The following LDAF1 variants were observed in gnomAD, a reference collection of about 807,000 sequenced individuals.
LDAF1 encodes lipid droplet assembly factor 1, also known as PROMETHIN.
LDAF1 carries 7 observed loss-of-function variants against 13.5 expected under a neutral mutation model. That is an observed-to-expected ratio of 0.52 (90% CI 0.29 to 0.97). The LOEUF is 0.97. Among genes scored for constraint, LDAF1 ranks in the 50% least tolerant of loss-of-function variants. The pLI is 0.07. For synonymous variants in LDAF1, 69 were observed against 77.1 expected (o/e 0.89, Z 0.55); for missense variants, 148 against 193.2 (o/e 0.77, Z 1.39).
chr16:21,173,779 G>T (rs1216417675), intron 3 of LDAF1, among the ~76,000 whole-genome samples: 1 of 152,130 alleles, frequency 6.6e-6, no homozygotes, highest in East Asian at 1.9e-4. Flanking sequence ...GAATTGGGGG[G>T]ACTGGAGGCA....
chr16:21,174,118 C>G lies in LDAF1; in HGVS notation c.374C>G (p.Ser125Cys), dbSNP rs1297243394. Residue 125 changes from serine (S) to cysteine (C), a missense_variant, in exon 4 of 5, where the codon TCC becomes TGC. By Grantham distance (112) the Ser-to-Cys change is moderately radical. Transcript: ENST00000233047. ...ATGATAGCATCTTATGTAGTGGTCT[C>G]CAGCCTCATCAGCTGCTGGTTTTCT... is the stretch of plus-strand genomic sequence containing the variant. ...GMMIASYVVV[S>C]SLISCWFSPR... The G allele has an allele frequency of 1.3e-5, 21 of 1,612,930 alleles. No individual in the cohort carries two copies. In the Middle Eastern group the frequency reaches 6.6e-4, roughly 51 times the overall value.
chr16:21,171,234 A>G (rs1567909326), intron 3 of LDAF1, among the ~76,000 whole-genome samples: 2 of 152,178 alleles, frequency 1.3e-5, no homozygotes, highest in Non-Finnish European at 2.9e-5. Context: ...CTAAGTTAAA[A>G]TTACTGGGAA....
Position 21,165,530 on chromosome 16 carries a change from T to A in LDAF1, c.96+4252T>A, listed in dbSNP as rs1456509004. 3.2e-6 allele frequency: 3 copies of A among 947,490 alleles called. No homozygotes were observed. In the African/African-American group the frequency reaches 5.3e-5, roughly 17 times the overall value. The allele number at this position is 947,490 out of a possible 1,614,324, so 58.7% of individuals were successfully genotyped here. On this transcript the variant is annotated intron_variant, in intron 2 of 4. Transcript: ENST00000233047. ...CCTAAGTCCTGTGTATTCCTTCTTT[T>A]GTCATTCCACTTTCATACCCATCTA...
At chr16:21,166,838 A>T in intron 2 of LDAF1, 1 of 1,535,658 alleles carries the variant, frequency 6.5e-7, no homozygotes. Flanking sequence ...TTTCTCTTTC[A>T]GCTGCCCCAA....
At position 21,161,240 on chromosome 16, in the gene LDAF1, CTGT is replaced by C; in HGVS notation, c.59_61del (p.Leu20_Ser21delinsPro). 4 of 1,614,228 alleles carry C rather than the reference CTGT, an allele frequency of 2.5e-6. No homozygotes were observed. In the South Asian group the frequency reaches 4.4e-5, roughly 18 times the overall value. On this transcript the variant is annotated inframe_deletion, in exon 2 of 5. Coordinates refer to ENST00000233047, the MANE Select transcript of LDAF1 (RefSeq NM_001301771.2). Reference sequence around the variant, plus strand: ...GGACTTGCAGGAACTGCAGAAGAAGCTGTCTCTGCTGATAGACTCCTTCCAGAA... The same window carrying C: ...GGACTTGCAGGAACTGCAGAAGAAGCCTCTGCTGATAGACTCCTTCCAGAA...
chr16:21,166,880 G>C (rs1271311547), intron 2 of LDAF1: 1 of 1,535,734 alleles, frequency 6.5e-7, no homozygotes, highest in Admixed American at 2.0e-5. Flanking sequence ...TCTGATGATG[G>C]AGTGTCCAGG....
intron 1 of LDAF1, chr16:21,159,318 T>G: frequency 1.9e-6 from 3 of 1,612,456 alleles, no homozygotes; most frequent in Non-Finnish European, 2.5e-6. Context: ...GCGGACCCCC[T>G]CTCCACCTGC....
At chr16:21,176,984 C>G (rs1176002434) in intron 4 of LDAF1, among the ~76,000 whole-genome samples, 1 of 151,292 alleles carries the variant, frequency 6.6e-6, no homozygotes, top group Non-Finnish European at 1.5e-5. Context: ...AATAATTATT[C>G]TATGAGAAAT....
chr16:21,179,443 A>G (rs1302903784), intron 4 of LDAF1, 32 bp from the exon 5 acceptor site: 1 of 1,613,892 alleles, frequency 6.2e-7, no homozygotes, highest in African/African-American at 1.3e-5. Flanking sequence ...CTGAGGCCCT[A>G]GAGCTAACGA....
intron 3 of LDAF1, among the ~76,000 whole-genome samples, chr16:21,173,050 C>G (rs1316172852): frequency 6.6e-6 from 1 of 152,066 alleles, no homozygotes; most frequent in Non-Finnish European, 1.5e-5. Flanking sequence ...AATGTATTTT[C>G]CTTGCACGTA....
At chr16:21,169,418 C>G (rs1449810579) in intron 2 of LDAF1, among the ~76,000 whole-genome samples, 1 of 152,096 alleles carries the variant, frequency 6.6e-6, no homozygotes, top group Admixed American at 6.6e-5. Flanking sequence ...CAGTGATCCT[C>G]CCACCTCAGC....
chr16:21,177,469 A>G (rs2093148990), intron 4 of LDAF1: 1 of 152,198 alleles, frequency 6.6e-6, no homozygotes, highest in African/African-American at 2.4e-5. Flanking sequence ...CAATGGGAGA[A>G]TATCAATTCA....
Position 21,179,605 on chromosome 16 carries a change from T to A in LDAF1, c.*49T>A. On this transcript the variant is annotated 3_prime_UTR_variant, in exon 5 of 5. Transcript: ENST00000233047. ...CTTTTCAAGTACTGCTGGATCATAC[T>A]CACCCCTTGGGATTATGGCTTAGAA... 1 of 1,541,264 alleles carries A rather than the reference T, an allele frequency of 6.5e-7. No individual in the cohort carries two copies. The highest frequency in any genetic ancestry group is 8.9e-7 in the Non-Finnish European group (1 of 1,119,424).
chr16:21,161,109 T>C lies in LDAF1; in HGVS notation c.-74T>C, dbSNP rs191081876. ...GCAAGAGACAGAGCGACATGAGAGA[T>C]TGGACCGCGGGCTGCACTGGAGAAT... On this transcript the variant is annotated 5_prime_UTR_variant, in exon 2 of 5. Coordinates refer to ENST00000233047, the MANE Select transcript of LDAF1 (RefSeq NM_001301771.2). 450 of 1,582,920 alleles carry C rather than the reference T, an allele frequency of 2.8e-4. 6 individuals carry two copies. In the East Asian group the frequency reaches 7.9e-3, roughly 28 times the overall value.
intron 1 of LDAF1, chr16:21,159,354 G>T (rs1464474564): frequency 1.9e-6 from 3 of 1,613,942 alleles, no homozygotes; most frequent in Non-Finnish European, 2.5e-6. Flanking sequence ...TCCTCTCCTT[G>T]GGTCTCCCTG....
At chr16:21,169,121 T>C in intron 2 of LDAF1, 2 of 961,712 alleles carry the variant, frequency 2.1e-6, no homozygotes, top group African/African-American at 3.5e-5. Context: ...AATAATGCTT[T>C]TAATGCTTAA....
At chr16:21,172,148 T>TA (rs769536016) in intron 3 of LDAF1, among the ~76,000 whole-genome samples, 337 of 132,792 alleles carry the variant, frequency 2.5e-3, no homozygotes, top group East Asian at 4.2e-3. Context: ...TCCATCTCTT[T>TA]AAAAAAAAAA....
intron 1 of LDAF1, among the ~76,000 whole-genome samples, chr16:21,158,973 T>G (rs980413776): frequency 3.4e-5 from 5 of 147,092 alleles, no homozygotes; most frequent in Admixed American, 6.8e-5. Flanking sequence ...TCCCCACCCC[T>G]AAATGCACAC....
Position 21,170,564 on chromosome 16 carries a change from T to C in LDAF1, c.224T>C (p.Leu75Pro). The change falls in exon 3 of 5, where the codon CTT becomes CCT. Residue 75 changes from leucine (L) to proline (P), a missense_variant. Transcript: ENST00000233047. ...PVGFFLLIVV[L>P]TTLAALLGVI... is the part of the protein sequence containing the mutation. ...GGATTCTTCCTGCTCATCGTGGTGC[T>C]TACCACCCTGGCTGCTCTGCTGGGG... 1 of 1,614,196 alleles carries C rather than the reference T, an allele frequency of 6.2e-7. No homozygotes were observed. Among genetic ancestry groups the C allele is most frequent in the Non-Finnish European group, 8.5e-7 (1 of 1,180,026 alleles).
Sources: allele counts gnomAD v4.1 joint callset (sites outside exome capture counted in the v4.1 genomes callset), GRCh38; gene constraint gnomAD v4.1.1; transcripts MANE v1.5; gene names NCBI Gene and HGNC (gene_info 2026-07-23, HGNC 2026-07-21).